Variants in ROBO2 observed in about 807,000 individuals in gnomAD.
ROBO2 encodes the protein roundabout homolog 2.
Under a neutral mutation model 160.8 loss-of-function variants are expected in ROBO2, and 53 were observed. That is an observed-to-expected ratio of 0.33 (90% CI 0.26 to 0.41). The LOEUF (loss-of-function observed/expected upper bound fraction) is 0.41, where lower values mean the gene tolerates loss of function less well. ROBO2 is among the 10% of genes least tolerant of loss of function. The pLI, the probability that ROBO2 is intolerant of heterozygous loss-of-function variation, is 1.00. For missense variants in ROBO2, 1,577 were observed against 1,722.4 expected (o/e 0.92, Z 1.49); for synonymous variants, 664 against 611.7 (o/e 1.09, Z -1.26).
intron 2 of ROBO2, among the ~76,000 whole-genome samples, chr3:76,198,021 A>C (rs190018523): frequency 6.6e-6 from 1 of 152,328 alleles, no homozygotes; most frequent in African/African-American, 2.4e-5. Context: ...TGTAAACCAA[A>C]GTACAACTGT....
chr3:75,938,488 C>A (rs1947896966), intron 2 of ROBO2, among the ~76,000 whole-genome samples: 1 of 151,896 alleles, frequency 6.6e-6, no homozygotes, highest in East Asian at 1.9e-4. Flanking sequence ...GGCATTTTTT[C>A]CGCATTTTTA....
At chr3:77,498,969 T>C (rs773255483) in intron 5 of ROBO2, among the ~76,000 whole-genome samples, 13 of 152,206 alleles carry the variant, frequency 8.5e-5, no homozygotes, top group Non-Finnish European at 1.5e-4. Flanking sequence ...AAAAATGGAC[T>C]GGTTCCTAAA....
chr3:76,180,169 G>T (rs531660587), intron 2 of ROBO2, among the ~76,000 whole-genome samples: 6 of 152,236 alleles, frequency 3.9e-5, no homozygotes, highest in African/African-American at 1.4e-4. Flanking sequence ...GAATTAATCA[G>T]TCACAAAATA....
At chr3:77,342,417 G>A (rs1349366092) in intron 2 of ROBO2, among the ~76,000 whole-genome samples, 1 of 152,036 alleles carries the variant, frequency 6.6e-6, no homozygotes, top group Non-Finnish European at 1.5e-5. Flanking sequence ...TTCTCTGGTT[G>A]GAATTGCAAG....
intron 2 of ROBO2, chr3:76,434,077 A>T: frequency 1.5e-6 from 2 of 1,305,740 alleles, no homozygotes; most frequent in Non-Finnish European, 2.2e-6. Context: ...TCCTGGAGGC[A>T]GTATCCCATA....
intron 1 of ROBO2, among the ~76,000 whole-genome samples, chr3:77,079,567 G>A (rs756732823): frequency 1.1e-4 from 16 of 152,294 alleles, no homozygotes; most frequent in East Asian, 3.9e-4. Flanking sequence ...AAGTATGGCC[G>A]TAAGTTAATG....
chr3:77,593,162 C>G (rs1463243377), intron 17 of ROBO2, among the ~76,000 whole-genome samples: 6 of 151,098 alleles, frequency 4.0e-5, no homozygotes, highest in Admixed American at 4.0e-4. Context: ...ATATTCACAC[C>G]ATTATCTTAA....
At chr3:76,113,007 G>A (rs971815414) in intron 2 of ROBO2, among the ~76,000 whole-genome samples, 1 of 151,894 alleles carries the variant, frequency 6.6e-6, no homozygotes, top group Non-Finnish European at 1.5e-5. Context: ...AGCATGAATC[G>A]GTTGACACAA....
In ROBO2 at chr3:76,502,790, T is replaced by C. The variant is rs184743488; in HGVS notation, c.109+565188T>C. Among the ~76,000 whole-genome samples the C allele has an allele frequency of 4.7e-3, 716 of 152,258 alleles. 4 individuals are homozygous for C. The highest frequency in any genetic ancestry group is 7.4e-3 in the Non-Finnish European group (504 of 68,006). On this transcript the variant is annotated intron_variant, in intron 2 of 26. Coordinates refer to the ROBO2 transcript ENST00000487694. ...TTATAAAGAATATCAAATCCTTTAT[T>C]TGATATGTCTATAGGTCTTTTAAAC...
At chr3:77,282,642 A>G (rs913451308) in intron 2 of ROBO2, among the ~76,000 whole-genome samples, 7 of 152,146 alleles carry the variant, frequency 4.6e-5, no homozygotes, top group African/African-American at 1.7e-4. Context: ...ATGTAAGTTT[A>G]CTGTAAAATG....
At chr3:77,615,601 T>G (rs943636821) in intron 21 of ROBO2, among the ~76,000 whole-genome samples, 2 of 152,158 alleles carry the variant, frequency 1.3e-5, no homozygotes, top group Non-Finnish European at 2.9e-5. Context: ...GTGTGTACCT[T>G]TTTTAGACCT....
At chr3:77,108,789 G>T (rs2073193358) in intron 2 of ROBO2, among the ~76,000 whole-genome samples, 1 of 152,176 alleles carries the variant, frequency 6.6e-6, no homozygotes, top group Admixed American at 6.5e-5. Flanking sequence ...CACAAATAAT[G>T]TATTAGCTTA....
At chr3:76,704,818 G>A (rs1036821080) in intron 2 of ROBO2, among the ~76,000 whole-genome samples, 13 of 152,156 alleles carry the variant, frequency 8.5e-5, no homozygotes, top group Admixed American at 1.3e-4. Flanking sequence ...GAAGACTCAA[G>A]ACAAAAACCA....
chr3:76,493,366 A>ATATATATATATATATATATATATAT (rs2079956468), intron 2 of ROBO2, among the ~76,000 whole-genome samples: 8 of 69,350 alleles, frequency 1.2e-4, no homozygotes, highest in Non-Finnish European at 1.8e-4. Context: ...TATATATATA[A>ATATATATATATATATATATATATAT]TTGTATATAC....
intron 2 of ROBO2, among the ~76,000 whole-genome samples, chr3:76,146,343 C>T (rs2071887015): frequency 6.6e-6 from 1 of 151,906 alleles, no homozygotes; most frequent in Non-Finnish European, 1.5e-5. Context: ...CTCCTTAAAG[C>T]ATTCTCTCAG....
At chr3:77,559,202 A>G (rs1337699484) in intron 9 of ROBO2, among the ~76,000 whole-genome samples, 1 of 152,088 alleles carries the variant, frequency 6.6e-6, no homozygotes, top group Non-Finnish European at 1.5e-5. Context: ...AATCACAAAC[A>G]TGACATACTG....
chr3:76,211,113 G>A (rs1255399322), intron 2 of ROBO2, among the ~76,000 whole-genome samples: 1 of 151,908 alleles, frequency 6.6e-6, no homozygotes, highest in Non-Finnish European at 1.5e-5. Context: ...ACTCACTCTT[G>A]CCAAACCTCA....
In ROBO2 at chr3:76,576,554, C is replaced by G. The variant is rs975243307; in HGVS notation, c.110-521460C>G. On this transcript the variant is annotated intron_variant, in intron 2 of 26. Coordinates refer to the ROBO2 transcript ENST00000487694. ...ATTGGTATAATCACAAATCAGGTGG[C>G]CTACTTTTTGCTGAGGTTTTAAGAG... 2.6e-5 allele frequency among the ~76,000 whole-genome samples: 4 copies of G among 152,000 alleles called. No homozygotes were observed. In the East Asian group the frequency reaches 7.7e-4, roughly 29 times the overall value.
chr3:77,266,136 C>T (rs746020057), intron 2 of ROBO2, among the ~76,000 whole-genome samples: 4 of 151,812 alleles, frequency 2.6e-5, no homozygotes, highest in Non-Finnish European at 4.4e-5. Context: ...TCTCACTAGG[C>T]ACAGGATTTT....
Sources: gnomAD v4.1 joint callset for allele counts (sites outside exome capture counted in the v4.1 genomes callset) on GRCh38, gnomAD v4.1.1 for gene constraint, MANE v1.5 for transcripts, NCBI Gene and HGNC (gene_info 2026-07-23, HGNC 2026-07-21) for gene names.